FANCB: variants seen among roughly 807,000 people sequenced by gnomAD.
FANCB encodes the protein FA complementation group B, also known as Fanconi anemia group B protein.
Under a neutral mutation model 38.9 loss-of-function variants are expected in FANCB, and 5 were observed. The ratio of observed to expected loss-of-function variants is 0.13; its 90% CI spans 0.07 to 0.27. The LOEUF (loss-of-function observed/expected upper bound fraction) is 0.27. Ranked by LOEUF, FANCB falls within the 10% of genes least tolerant of loss-of-function variation. FANCB has a pLI of 1.00. For synonymous variants in FANCB, 236 were observed against 215.4 expected, an observed-to-expected ratio of 1.10 and a Z score of -0.84; for missense variants, 573 against 602.7, an observed-to-expected ratio of 0.95 and a Z score of 0.52.
chrX:14,702,026 T>C, the FANCB span, among the ~76,000 whole-genome samples: 15 of 112,145 alleles, frequency 1.3e-4, no homozygotes, highest in Non-Finnish European at 2.6e-4. Context: ...GCCAGGGAGT[T>C]GAGCCTTTGT....
downstream of FANCB, chrX:14,835,396 G>A (rs1032501391): frequency 5.3e-5 from 20 of 380,367 alleles, no homozygotes; most frequent in Admixed American, 1.6e-4. Flanking sequence ...GAAGAGCCGC[G>A]CAGGACAGAA....
the FANCB span, among the ~76,000 whole-genome samples, chrX:14,811,236 G>A: frequency 1.8e-5 from 2 of 110,675 alleles, no homozygotes; most frequent in South Asian, 3.8e-4. Context: ...AGACCATCGA[G>A]GCTAGGAAGA....
the FANCB span, among the ~76,000 whole-genome samples, chrX:14,752,919 T>C: frequency 9.4e-6 from 1 of 106,599 alleles, no homozygotes; most frequent in African/African-American, 3.4e-5. Context: ...TGCTTTATAA[T>C]TCTCTCCTCC....
chrX:14,842,265 G>A (rs1909193654), downstream of FANCB, among the ~76,000 whole-genome samples: 1 of 111,362 alleles, frequency 9.0e-6, no homozygotes, highest in Non-Finnish European at 1.9e-5. Flanking sequence ...CTTATTATAT[G>A]GACCATCATA....
the FANCB span, among the ~76,000 whole-genome samples, chrX:14,787,920 T>TATATATATATATAC: frequency 1.3e-5 from 1 of 79,578 alleles, no homozygotes; most frequent in African/African-American, 4.9e-5. Context: ...TATATATATA[T>TATATATATATATAC]ATATGAATGA....
the FANCB span, among the ~76,000 whole-genome samples, chrX:14,702,615 T>A: frequency 1.8e-5 from 2 of 111,432 alleles, no homozygotes; most frequent in Non-Finnish European, 3.8e-5. Context: ...CACTACAAAC[T>A]TAATGGCTTA....
the FANCB span, among the ~76,000 whole-genome samples, chrX:14,726,649 A>AATT: frequency 8.9e-6 from 1 of 112,567 alleles, no homozygotes. Context: ...ACGATGTACA[A>AATT]TATAATGAGA....
chrX:14,848,208 T>C (rs2092384845), intron 7 of FANCB, among the ~76,000 whole-genome samples: 1 of 111,967 alleles, frequency 8.9e-6, no homozygotes, highest in African/African-American at 3.3e-5. Context: ...CAAAATTGCA[T>C]GCAGGATTGC....
At position 14,863,321 on chromosome X, in the gene FANCB, A is replaced by C. The variant is rs763809404; in HGVS notation, c.951+1239T>G. Among the ~76,000 whole-genome samples, 15 of 112,805 alleles carry C rather than the reference A, an allele frequency of 1.3e-4. No homozygotes were observed. The South Asian group carries it at 5.4e-3, about 40-fold the overall frequency. On this transcript the variant is annotated intron_variant, in intron 3 of 9. Coordinates refer to ENST00000650831, the MANE Select transcript of FANCB (RefSeq NM_001018113.3). ...TCTAATTAAATGGATAGGGCACACA[A>C]AATAAGGCAATATCTGCTTTTCTCT... is the stretch of plus-strand genomic sequence containing the variant.
chrX:14,800,269 A>G, the FANCB span, among the ~76,000 whole-genome samples: 1 of 111,973 alleles, frequency 8.9e-6, no homozygotes, highest in South Asian at 3.7e-4. Context: ...ACTGTTGAAA[A>G]TTTTAGACCA....
At chrX:14,697,908 CT>C in the FANCB span, among the ~76,000 whole-genome samples, 4 of 111,643 alleles carry the variant, frequency 3.6e-5, no homozygotes, top group African/African-American at 1.3e-4. Context: ...TTTGATAAAA[CT>C]TTTTTTTACT....
At chrX:14,743,377 T>C in the FANCB span, among the ~76,000 whole-genome samples, 1 of 111,393 alleles carries the variant, frequency 9.0e-6, no homozygotes, top group African/African-American at 3.3e-5. Flanking sequence ...GTAACTTGCC[T>C]AGGGCACACA....
chrX:14,764,959 G>A, the FANCB span, among the ~76,000 whole-genome samples: 1 of 112,119 alleles, frequency 8.9e-6, no homozygotes. Flanking sequence ...ATGCCAATAA[G>A]GTTGCCAGAT....
At chrX:14,796,503 C>T in the FANCB span, among the ~76,000 whole-genome samples, 1,686 of 95,347 alleles carry the variant, frequency 0.018, 35 homozygotes, top group African/African-American at 0.053. Context: ...ATATATATAA[C>T]ATATATAATA....
the FANCB span, among the ~76,000 whole-genome samples, chrX:14,803,887 TC>T: frequency 1.8e-5 from 2 of 111,768 alleles, no homozygotes; most frequent in African/African-American, 6.5e-5. Context: ...GAAAAAATGC[TC>T]ATCATCACTG....
At chrX:14,720,404 A>G in the FANCB span, among the ~76,000 whole-genome samples, 5 of 112,116 alleles carry the variant, frequency 4.5e-5, no homozygotes, top group African/African-American at 1.6e-4. Flanking sequence ...CAGGTTAAGC[A>G]TTTTGGATAC....
the FANCB span, among the ~76,000 whole-genome samples, chrX:14,743,860 A>G: frequency 9.1e-6 from 1 of 110,495 alleles, no homozygotes; most frequent in African/African-American, 3.3e-5. Context: ...CATCACTCCA[A>G]CTTCTGCCTC....
downstream of FANCB, chrX:14,834,364 G>A (rs185880714): frequency 2.5e-3 from 826 of 329,686 alleles, 5 homozygotes; most frequent in Non-Finnish European, 3.0e-3. Flanking sequence ...TATCAAACAC[G>A]GAAGGGAAAG....
the FANCB span, among the ~76,000 whole-genome samples, chrX:14,708,375 GCAGTCACAGACACAGTAGGAGGGGT>G: frequency 2.7e-5 from 3 of 111,613 alleles, no homozygotes; most frequent in African/African-American, 9.8e-5. Flanking sequence ...CCCTCAAGAG[GCAGTCACAGACACAGTAGGAGGGGT>G]CATTTGGTTG....
Sources: gnomAD v4.1 joint callset for allele counts (sites outside exome capture counted in the v4.1 genomes callset) on GRCh38, gnomAD v4.1.1 for gene constraint, MANE v1.5 for transcripts, NCBI Gene and HGNC (gene_info 2026-07-23, HGNC 2026-07-21) for gene names.